Variants in ME3 observed in about 807,000 individuals in gnomAD.
ME3 encodes the protein NADP-dependent malic enzyme, mitochondrial.
In ME3, 48 loss-of-function variants were observed where a neutral mutation model predicts 68.9. The ratio of observed to expected loss-of-function variants is 0.70; its 90% CI spans 0.55 to 0.89. The LOEUF (loss-of-function observed/expected upper bound fraction) is 0.89. Among genes scored for constraint, ME3 ranks in the 40% least tolerant of loss-of-function variants. The pLI is 0.00. For synonymous variants in ME3, 320 were observed against 318.8 expected (o/e 1.00, Z -0.04); for missense variants, 675 against 797.4 (o/e 0.85, Z 1.85).
chr11:86,624,939 T>G (rs1450415758), intron 2 of ME3, among the ~76,000 whole-genome samples: 3 of 152,028 alleles, frequency 2.0e-5, no homozygotes, highest in Non-Finnish European at 4.4e-5. Context: ...GTATTTGGAC[T>G]ATGTGTAGAG....
intron 4 of ME3, among the ~76,000 whole-genome samples, chr11:86,533,614 A>C (rs1337919168): frequency 2.0e-5 from 3 of 152,226 alleles, no homozygotes; most frequent in Non-Finnish European, 2.9e-5. Context: ...CAAAAAGAGG[A>C]GGAAATACTT....
intron 12 of ME3, chr11:86,446,831 G>T: frequency 1.6e-6 from 1 of 620,988 alleles, no homozygotes; most frequent in Non-Finnish European, 2.7e-6. Flanking sequence ...GTTATTTAGG[G>T]TGAACCTTGA....
Position 86,601,669 on chromosome 11 carries a change from G to A in ME3, c.184-41846C>T, listed in dbSNP as rs374683021. Among the ~76,000 whole-genome samples the A allele has an allele frequency of 2.8e-3, 418 of 150,512 alleles. 3 individuals carry two copies. Among genetic ancestry groups the A allele is most frequent in the South Asian group, 0.013 (62 of 4,714 alleles). ...CAACCAAAAAAGAGAATTTTAGACC[G>A]ATATCCTTGATGAACATTGATGCAA... On this transcript the variant is annotated intron_variant, in intron 2 of 14. Coordinates refer to ENST00000543262, the Ensembl canonical transcript of ME3.
At chr11:86,634,401 C>T (rs1944205194) in intron 2 of ME3, among the ~76,000 whole-genome samples, 1 of 152,220 alleles carries the variant, frequency 6.6e-6, no homozygotes, top group Admixed American at 6.5e-5. Context: ...TAATGGTCAG[C>T]ATGCCCGTGG....
At chr11:86,467,850 G>A (rs1950572450) in intron 7 of ME3, among the ~76,000 whole-genome samples, 1 of 152,042 alleles carries the variant, frequency 6.6e-6, no homozygotes. Flanking sequence ...CTCCCATGGA[G>A]CAATTTGATG....
At chr11:86,511,913 T>C (rs1953556786) in intron 4 of ME3, among the ~76,000 whole-genome samples, 1 of 152,022 alleles carries the variant, frequency 6.6e-6, no homozygotes, top group Non-Finnish European at 1.5e-5. Context: ...AATGGTCCTG[T>C]GGCCCCTACC....
intron 2 of ME3, among the ~76,000 whole-genome samples, chr11:86,607,066 C>A (rs1422784170): frequency 6.6e-6 from 1 of 152,160 alleles, no homozygotes; most frequent in African/African-American, 2.4e-5. Context: ...GTTGTTGTCA[C>A]TGTTGTTGAT....
At position 86,561,210 on chromosome 11, in the gene ME3, T is replaced by TTTTTTG. The variant is rs1268130259; in HGVS notation, c.184-1393_184-1388dup. On this transcript the variant is annotated intron_variant, in intron 2 of 14. Coordinates refer to ENST00000543262, the Ensembl canonical transcript of ME3. ...AATGTAGCAGTAGTGGGTTGGTTGTTTTTTTGTTTTTGTTTTTGTTTTGCA... is the reference window on the plus strand; with the variant it reads ...AATGTAGCAGTAGTGGGTTGGTTGTTTTTTTGTTTTTGTTTTTGTTTTTGTTTTGCA... Among the ~76,000 whole-genome samples, 9 of 152,156 alleles carry TTTTTTG rather than the reference T, an allele frequency of 5.9e-5. 1 individual carries two copies. Among genetic ancestry groups the TTTTTTG allele is most frequent in the Admixed American group, 6.5e-5 (1 of 15,276 alleles).
At chr11:86,666,343 G>A (rs1280734175) in intron 2 of ME3, among the ~76,000 whole-genome samples, 1 of 152,186 alleles carries the variant, frequency 6.6e-6, no homozygotes, top group East Asian at 1.9e-4. Flanking sequence ...AATGTAAAAT[G>A]CATACTGGAT....
At chr11:86,558,873 T>C (rs568597945) in intron 3 of ME3, among the ~76,000 whole-genome samples, 10 of 152,284 alleles carry the variant, frequency 6.6e-5, no homozygotes, top group African/African-American at 1.9e-4. Flanking sequence ...AAAAGACCCA[T>C]AGAGGCTAAG....
chr11:86,540,913 A>G (rs563871682), intron 4 of ME3, among the ~76,000 whole-genome samples: 1 of 152,262 alleles, frequency 6.6e-6, no homozygotes, highest in East Asian at 1.9e-4. Flanking sequence ...AAGGTGGGTG[A>G]TTTCTGCATT....
At chr11:86,471,380 C>T (rs1463675102) in intron 7 of ME3, among the ~76,000 whole-genome samples, 2 of 151,966 alleles carry the variant, frequency 1.3e-5, no homozygotes, top group Non-Finnish European at 1.5e-5. Context: ...ATGATCCACC[C>T]ACCTTGGCCT....
chr11:86,593,645 T>A (rs1002503938), intron 2 of ME3, among the ~76,000 whole-genome samples: 1 of 146,598 alleles, frequency 6.8e-6, no homozygotes, highest in African/African-American at 2.5e-5. Context: ...CTTATTTTCA[T>A]CACCCAGAGA....
chr11:86,485,236 G>A (rs662361), intron 7 of ME3, among the ~76,000 whole-genome samples: 128,330 of 152,216 alleles, frequency 0.84, 54,274 homozygotes, highest in Non-Finnish European at 0.88. Context: ...GTACTAGCAC[G>A]TCCCTGACAT....
chr11:86,616,925 A>G lies in ME3; in HGVS notation c.183+54837T>C, dbSNP rs540222245. On this transcript the variant is annotated intron_variant, in intron 2 of 14. Transcript: ENST00000543262. ...AATATTAATTTCTTAGTTTTGATAA[A>G]TGTTAAATGATAAAACCATGGAAAT... Among the ~76,000 whole-genome samples, 4 of 152,260 alleles carry G rather than the reference A, an allele frequency of 2.6e-5. No individual in the cohort carries two copies. In the East Asian group the frequency reaches 5.8e-4, roughly 22 times the overall value.
intron 2 of ME3, among the ~76,000 whole-genome samples, chr11:86,598,325 GC>G (rs1297131723): frequency 6.6e-6 from 1 of 152,182 alleles, no homozygotes; most frequent in Non-Finnish European, 1.5e-5. Context: ...AGGGTCCTAC[GC>G]CCACGGAGTC....
At chr11:86,441,617 G>A (rs75449909) in intron 14 of ME3, among the ~76,000 whole-genome samples, 177 bp from the exon 15 acceptor site, 2,060 of 152,220 alleles carry the variant, frequency 0.014, 20 homozygotes, top group Middle Eastern at 0.031. Context: ...TTCTGGACAG[G>A]CAGCTTTAAC....
chr11:86,576,780 C>T (rs1426199919), intron 2 of ME3, among the ~76,000 whole-genome samples: 7 of 152,164 alleles, frequency 4.6e-5, no homozygotes, highest in Non-Finnish European at 1.0e-4. Flanking sequence ...TCCTGGTAGA[C>T]CAAGAGTCCC....
chr11:86,513,536 G>C (rs1017975544), intron 4 of ME3, among the ~76,000 whole-genome samples: 5 of 152,192 alleles, frequency 3.3e-5, no homozygotes, highest in Non-Finnish European at 5.9e-5. Flanking sequence ...CCAGGATCCT[G>C]AGTCCGATGC....
Sources: gnomAD v4.1 joint callset for allele counts (sites outside exome capture counted in the v4.1 genomes callset) on GRCh38, gnomAD v4.1.1 for gene constraint, MANE v1.5 for transcripts, NCBI Gene and HGNC (gene_info 2026-07-23, HGNC 2026-07-21) for gene names.